The following CORO2B variants were observed in gnomAD, a reference collection of about 807,000 sequenced individuals.
CORO2B encodes coronin-2B.
CORO2B carries 26 observed loss-of-function variants against 58.8 expected under a neutral mutation model. The ratio of observed to expected loss-of-function variants is 0.44; its 90% CI spans 0.32 to 0.61. The LOEUF (loss-of-function observed/expected upper bound fraction) is 0.61. Ranked by LOEUF, CORO2B falls within the 20% of genes least tolerant of loss-of-function variation. The probability of loss-of-function intolerance (pLI) is 0.04; values close to 1 mark genes in which losing one functional copy is unlikely to be tolerated. For synonymous variants in CORO2B, 242 were observed against 253.8 expected, an observed-to-expected ratio of 0.95 and a Z score of 0.44; for missense variants, 460 against 645.1, an observed-to-expected ratio of 0.71 and a Z score of 3.11.
intron 2 of CORO2B, among the ~76,000 whole-genome samples, chr15:68,651,504 A>G (rs1364924834): frequency 6.6e-6 from 1 of 152,218 alleles, no homozygotes; most frequent in African/African-American, 2.4e-5. Flanking sequence ...CCTGTATTCA[A>G]TACAAACACA....
intron 1 of CORO2B, among the ~76,000 whole-genome samples, chr15:68,619,967 A>G (rs985832899): frequency 5.3e-5 from 8 of 152,088 alleles, no homozygotes; most frequent in African/African-American, 7.2e-5. Context: ...GCTGGAGTAC[A>G]GTGGCACAGT....
intron 1 of CORO2B, among the ~76,000 whole-genome samples, chr15:68,639,724 T>G (rs1375918906): frequency 1.3e-5 from 2 of 152,230 alleles, no homozygotes; most frequent in East Asian, 3.8e-4. Flanking sequence ...CAAGGTAGCT[T>G]CTTTTTCCAA....
At chr15:68,697,093 C>A (rs1168532083) in intron 3 of CORO2B, among the ~76,000 whole-genome samples, 2 of 151,790 alleles carry the variant, frequency 1.3e-5, no homozygotes, top group Non-Finnish European at 2.9e-5. Flanking sequence ...TGGATGGGAT[C>A]GATGGATGCA....
chr15:68,677,519 A>T lies in CORO2B; in HGVS notation c.217-17621A>T, dbSNP rs75636422. 5.4e-3 allele frequency among the ~76,000 whole-genome samples: 825 copies of T among 152,282 alleles called. 8 individuals carry two copies. Among genetic ancestry groups the T allele is most frequent in the African/African-American group, 0.019 (804 of 41,556 alleles). On this transcript the variant is annotated intron_variant, in intron 2 of 11. Transcript: ENST00000261861. Reference sequence around the variant, plus strand: ...AGCTGGGAGGCAGCTTTTCTGGGAAAGGCCAGATGGTGGCGGGGGGATGCT... The same window carrying T: ...AGCTGGGAGGCAGCTTTTCTGGGAATGGCCAGATGGTGGCGGGGGGATGCT...
chr15:68,647,191 G>C (rs1252178953), intron 2 of CORO2B, among the ~76,000 whole-genome samples: 1 of 152,122 alleles, frequency 6.6e-6, no homozygotes, highest in Non-Finnish European at 1.5e-5. Flanking sequence ...ATGAAGAAAG[G>C]CTTCCTAAGA....
chr15:68,715,148 T>C (rs1278777809), intron 7 of CORO2B, 67 bp from the exon 8 acceptor site: 6 of 1,417,948 alleles, frequency 4.2e-6, no homozygotes, highest in African/African-American at 4.2e-5. Context: ...AGCTGGCTCC[T>C]GGGACCAGGC....
chr15:68,615,548 A>G (rs1473693257), intron 1 of CORO2B, among the ~76,000 whole-genome samples: 1 of 152,232 alleles, frequency 6.6e-6, no homozygotes, highest in Non-Finnish European at 1.5e-5. Context: ...TCCATGTTGA[A>G]ATCTTAACCC....
intron 2 of CORO2B, among the ~76,000 whole-genome samples, chr15:68,686,475 G>A (rs559794630): frequency 5.3e-5 from 8 of 152,308 alleles, no homozygotes; most frequent in African/African-American, 1.9e-4. Context: ...TCCCAGACAA[G>A]TCACCTTGGG....
At chr15:68,676,937 A>G (rs1902607440) in intron 2 of CORO2B, among the ~76,000 whole-genome samples, 1 of 151,898 alleles carries the variant, frequency 6.6e-6, no homozygotes, top group Non-Finnish European at 1.5e-5. Context: ...ATGCCTGGCT[A>G]ATTTTTTTTC....
Position 68,579,231 on chromosome 15 carries a change from C to T in CORO2B, c.-32C>T. 2 of 1,119,726 alleles carry T rather than the reference C, an allele frequency of 1.8e-6. No individual in the cohort carries two copies. Among genetic ancestry groups the T allele is most frequent in the Non-Finnish European group, 2.2e-6 (2 of 917,744 alleles). 69.4% of individuals were successfully genotyped at this position (1,119,726 alleles called of 1,614,324 possible). Reference sequence around the variant, plus strand: ...GCCGCCGCCGCCCCCGCACGCCGCGCCCGCGCCCCCGCTCCGCCGCGGAGT... The same window carrying T: ...GCCGCCGCCGCCCCCGCACGCCGCGTCCGCGCCCCCGCTCCGCCGCGGAGT... On this transcript the variant is annotated 5_prime_UTR_variant, in exon 1 of 12. Transcript: ENST00000261861.
chr15:68,679,844 AT>A (rs955804112), intron 2 of CORO2B, among the ~76,000 whole-genome samples: 6 of 152,180 alleles, frequency 3.9e-5, no homozygotes, highest in African/African-American at 1.4e-4. Flanking sequence ...TGTAAAGGAC[AT>A]TTTCAAGGCC....
At chr15:68,654,474 C>G (rs983250745) in intron 2 of CORO2B, among the ~76,000 whole-genome samples, 1 of 152,234 alleles carries the variant, frequency 6.6e-6, no homozygotes, top group Non-Finnish European at 1.5e-5. Context: ...GGCCCTAACT[C>G]TGCCCAGAGG....
At chr15:68,581,408 G>A (rs978916646) in intron 1 of CORO2B, among the ~76,000 whole-genome samples, 1 of 152,174 alleles carries the variant, frequency 6.6e-6, no homozygotes, top group African/African-American at 2.4e-5. Context: ...AAAGGCACTG[G>A]GGACTGCTTT....
At chr15:68,688,301 A>G (rs1327504617) in intron 2 of CORO2B, among the ~76,000 whole-genome samples, 1 of 152,118 alleles carries the variant, frequency 6.6e-6, no homozygotes, top group East Asian at 1.9e-4. Flanking sequence ...ATTCTGATGT[A>G]TTTTCTTGTA....
intron 2 of CORO2B, among the ~76,000 whole-genome samples, chr15:68,660,806 G>T (rs1215295280): frequency 1.3e-5 from 2 of 152,156 alleles, no homozygotes; most frequent in Non-Finnish European, 2.9e-5. Context: ...TTTCTCCAGT[G>T]GGAATTTATT....
chr15:68,705,298 C>T (rs1346278119), intron 3 of CORO2B, among the ~76,000 whole-genome samples: 1 of 151,954 alleles, frequency 6.6e-6, no homozygotes. Context: ...ATTAGCTGGG[C>T]GTGGTGGTGG....
In CORO2B at chr15:68,724,468, A is replaced by G. The variant is rs185176586; in HGVS notation, c.1312-1375A>G. 4.6e-5 allele frequency among the ~76,000 whole-genome samples: 7 copies of G among 152,266 alleles called. No individual in the cohort carries two copies. In the East Asian group the frequency reaches 9.7e-4, roughly 21 times the overall value. Reference sequence around the variant, plus strand: ...TGAGACATTGAGGTATAATTTGCCTATGGTAAAATTCATCCTCTGTAGTGT... The same window carrying G: ...TGAGACATTGAGGTATAATTTGCCTGTGGTAAAATTCATCCTCTGTAGTGT... On this transcript the variant is annotated intron_variant, in intron 11 of 11. Coordinates refer to ENST00000261861, the MANE Select transcript of CORO2B (RefSeq NM_006091.5).
At chr15:68,697,743 T>G (rs1448274941) in intron 3 of CORO2B, among the ~76,000 whole-genome samples, 2 of 152,186 alleles carry the variant, frequency 1.3e-5, no homozygotes, top group East Asian at 3.8e-4. Flanking sequence ...GCACAGGTGC[T>G]GGAGCTGGGG....
At chr15:68,570,925 C>T in the CORO2B span, among the ~76,000 whole-genome samples, 1 of 151,058 alleles carries the variant, frequency 6.6e-6, no homozygotes, top group African/African-American at 2.4e-5. Flanking sequence ...AGGCATGAGC[C>T]ACTGTGCCCA....
Sources: allele counts gnomAD v4.1 joint callset (sites outside exome capture counted in the v4.1 genomes callset), GRCh38; gene constraint gnomAD v4.1.1; transcripts MANE v1.5; gene names NCBI Gene and HGNC (gene_info 2026-07-23, HGNC 2026-07-21).